Variants in FAAH2 observed in about 807,000 individuals in gnomAD.
FAAH2 encodes the protein fatty-acid amide hydrolase 2.
In FAAH2, 60 loss-of-function variants were observed where a neutral mutation model predicts 36.9. The observed-to-expected ratio is 1.63, with a 90% CI of 1.32 to 2.02. FAAH2 has a LOEUF of 2.02. FAAH2 is among the 30% of genes most tolerant of loss of function. The pLI, the probability that FAAH2 is intolerant of heterozygous loss-of-function variation, is 0.00. For missense variants in FAAH2, 689 were observed against 397.5 expected (o/e 1.73, Z -6.23); for synonymous variants, 214 against 143.8 (o/e 1.49, Z -3.49).
At chrX:57,247,986 A>G in the FAAH2 span, among the ~76,000 whole-genome samples, 1 of 112,229 alleles carries the variant, frequency 8.9e-6, no homozygotes, top group African/African-American at 3.2e-5. Flanking sequence ...TTTTACAGAA[A>G]TTTTCAGATC....
At chrX:57,159,158 G>A in the FAAH2 span, among the ~76,000 whole-genome samples, 4 of 111,685 alleles carry the variant, frequency 3.6e-5, no homozygotes, top group Non-Finnish European at 7.5e-5. Context: ...GTAGATGTGT[G>A]GCATTATTTC....
the FAAH2 span, among the ~76,000 whole-genome samples, chrX:57,131,663 C>T: frequency 1.8e-5 from 2 of 111,957 alleles, no homozygotes; most frequent in East Asian, 5.6e-4. Context: ...ATTCTTAGTC[C>T]TCTGAGCCAT....
chrX:57,136,583 G>C, the FAAH2 span: 2 of 400,092 alleles, frequency 5.0e-6, no homozygotes, highest in Non-Finnish European at 8.1e-6. Flanking sequence ...CTTCCTGTGC[G>C]TTGGGGGTCT....
Position 57,292,546 on chromosome X carries a change from G to C in FAAH2, c.241G>C (p.Val81Leu). 8.3e-7 allele frequency: 1 copy of C among 1,209,967 alleles called. No homozygotes were observed. Among genetic ancestry groups the C allele is most frequent in the Non-Finnish European group, 1.1e-6 (1 of 894,332 alleles). The change falls in exon 2 of 11, where the codon GTG becomes CTG. Residue 81 changes from valine to leucine, a missense_variant. Transcript: ENST00000374900. ...GGCTTATATCAACAGAATCAAGGACGTGAACCCAATGATCAATGGAATTGT... is the reference window on the plus strand; with the variant it reads ...GGCTTATATCAACAGAATCAAGGACCTGAACCCAATGATCAATGGAATTGT... ...VQAYINRIKDVNPMINGIVKY... is the reference protein window; with the variant it reads ...VQAYINRIKDLNPMINGIVKY...
chrX:57,473,446 A>G (rs2057206668), intron 10 of FAAH2, among the ~76,000 whole-genome samples: 1 of 111,590 alleles, frequency 9.0e-6, no homozygotes, highest in South Asian at 3.7e-4. Context: ...CTGGCCAAGC[A>G]TATGTTCAAT....
At chrX:57,486,246 T>C (rs748690310) in intron 10 of FAAH2, among the ~76,000 whole-genome samples, 2 of 111,713 alleles carry the variant, frequency 1.8e-5, no homozygotes, top group South Asian at 3.8e-4. Context: ...CATTAGGTAC[T>C]TCCTTTCACA....
At chrX:57,309,183 AC>A (rs1179686740) in intron 2 of FAAH2, among the ~76,000 whole-genome samples, 2 of 112,102 alleles carry the variant, frequency 1.8e-5, no homozygotes, top group African/African-American at 6.5e-5. Context: ...ATACATTTAA[AC>A]TGTGTTCTTT....
At chrX:57,392,911 G>T in intron 7 of FAAH2, 1 of 848,173 alleles carries the variant, frequency 1.2e-6, no homozygotes, top group African/African-American at 2.0e-5. Flanking sequence ...GCTTTGTGTT[G>T]AGCTTTGAGG....
At chrX:57,483,698 C>A (rs1323310782) in intron 10 of FAAH2, among the ~76,000 whole-genome samples, 1 of 108,640 alleles carries the variant, frequency 9.2e-6, no homozygotes, top group African/African-American at 3.4e-5. Flanking sequence ...TTTTTTCTTC[C>A]TCCCTCCTGA....
chrX:57,271,394 A>G, the FAAH2 span, among the ~76,000 whole-genome samples: 2 of 112,256 alleles, frequency 1.8e-5, no homozygotes, highest in Admixed American at 1.9e-4. Context: ...TGGACCTCCC[A>G]GCACAGTGTT....
the FAAH2 span, among the ~76,000 whole-genome samples, chrX:57,208,483 G>T: frequency 8.9e-6 from 1 of 111,889 alleles, no homozygotes; most frequent in African/African-American, 3.3e-5. Flanking sequence ...GTTCAACATT[G>T]TCCAAACATC....
At chrX:57,234,606 C>T in the FAAH2 span, among the ~76,000 whole-genome samples, 1 of 111,780 alleles carries the variant, frequency 8.9e-6, no homozygotes, top group Non-Finnish European at 1.9e-5. Context: ...GACAGATCAT[C>T]AGGCATCCAA....
chrX:57,377,695 C>G (rs1339665726), intron 5 of FAAH2, among the ~76,000 whole-genome samples: 3 of 111,971 alleles, frequency 2.7e-5, no homozygotes, highest in Non-Finnish European at 5.6e-5. Flanking sequence ...TCAATGGTAG[C>G]TTGATACGGA....
intron 10 of FAAH2, among the ~76,000 whole-genome samples, chrX:57,470,799 G>T (rs756040195): frequency 1.7e-4 from 19 of 110,885 alleles, no homozygotes; most frequent in Non-Finnish European, 3.4e-4. Context: ...AACCAAAAAA[G>T]AATTTTAGAC....
At chrX:57,411,229 C>G (rs1302228562) in intron 7 of FAAH2, among the ~76,000 whole-genome samples, 1 of 111,890 alleles carries the variant, frequency 8.9e-6, no homozygotes, top group African/African-American at 3.3e-5. Context: ...AAAGCGAGAC[C>G]TGGTGCTCTG....
chrX:57,158,321 G>A, the FAAH2 span, among the ~76,000 whole-genome samples: 23 of 112,198 alleles, frequency 2.0e-4, no homozygotes, highest in African/African-American at 7.5e-4. Context: ...GTGTGCATGT[G>A]TCTTTATAGA....
At chrX:57,238,676 T>C in the FAAH2 span, among the ~76,000 whole-genome samples, 1 of 111,910 alleles carries the variant, frequency 8.9e-6, no homozygotes, top group South Asian at 3.7e-4. Context: ...TTAGTTTCAG[T>C]GAGTACAGGT....
chrX:57,446,799 T>C, intron 8 of FAAH2, 129 bp from the exon 9 acceptor site: 2 of 428,683 alleles, frequency 4.7e-6, no homozygotes, highest in Non-Finnish European at 4.0e-6. Flanking sequence ...ATTTTATTTA[T>C]GTATTCATCA....
At position 57,327,948 on chromosome X, in the gene FAAH2, G is replaced by C. The variant is rs1016911960; in HGVS notation, c.413-3650G>C. On this transcript the variant is annotated intron_variant, in intron 3 of 10. Transcript: ENST00000374900. ...TTAGAGTTTCTGGTTTTTTTGCTCT[G>C]TTTTTTCCCCATCTTTGTGGTTTTA... Among the ~76,000 whole-genome samples the C allele has an allele frequency of 2.7e-5, 3 of 111,245 alleles. No individual in the cohort carries two copies. The East Asian group carries it at 8.4e-4, about 31-fold the overall frequency.
Sources: gnomAD v4.1 joint callset for allele counts (sites outside exome capture counted in the v4.1 genomes callset) on GRCh38, gnomAD v4.1.1 for gene constraint, MANE v1.5 for transcripts, NCBI Gene and HGNC (gene_info 2026-07-23, HGNC 2026-07-21) for gene names.